The following TNXB variants were observed in gnomAD, a reference collection of about 807,000 sequenced individuals.
The protein encoded by TNXB is tenascin XB.
Under a neutral mutation model 340.5 loss-of-function variants are expected in TNXB, and 183 were observed. The ratio of observed to expected loss-of-function variants is 0.54; its 90% CI spans 0.48 to 0.61. The LOEUF (loss-of-function observed/expected upper bound fraction) is 0.61. TNXB is among the 20% of genes least tolerant of loss of function. The pLI is 0.00. For synonymous variants in TNXB, 2,121 were observed against 2,314.5 expected, an observed-to-expected ratio of 0.92 and a Z score of 2.40; for missense variants, 4,613 against 5,446.4, an observed-to-expected ratio of 0.85 and a Z score of 4.82.
rs528175134 is a variant in TNXB, at chr6:32,042,401, C to G, written c.12211-39G>C. On this transcript the variant is annotated intron_variant, in intron 40 of 43. Coordinates refer to ENST00000644971, the MANE Select transcript of TNXB (RefSeq NM_001365276.2). ...GGGGGCACCATCAGCCTCTGGCTCC[C>G]GGGGCAACAGACCCTGCCCTGCACA... 118 of 1,595,802 alleles carry G rather than the reference C, an allele frequency of 7.4e-5. 3 individuals are homozygous for G. Among genetic ancestry groups the G allele is most frequent in the Admixed American group, 2.5e-4 (15 of 59,568 alleles).
rs1777979237 is a variant in TNXB, at chr6:32,061,111, A to T, written c.7492+286T>A. On this transcript the variant is annotated intron_variant, in intron 21 of 43. Coordinates refer to ENST00000644971, the MANE Select transcript of TNXB (RefSeq NM_001365276.2). This position sits in a 1 kb window ranked among gnomAD's most constrained non-coding sequence, Gnocchi z 4.4. Reference sequence around the variant, plus strand: ...GCATTTGTGTATGTGGTTATAACAAAGAATGCTGTTATTAAGATGGAAAGA... The same window carrying T: ...GCATTTGTGTATGTGGTTATAACAATGAATGCTGTTATTAAGATGGAAAGA... 6.6e-6 allele frequency among the ~76,000 whole-genome samples: 1 copy of T among 151,970 alleles called. No homozygotes were observed. Among genetic ancestry groups the T allele is most frequent in the South Asian group, 2.1e-4 (1 of 4,836 alleles).
chr6:32,056,077 G>A lies in TNXB; in HGVS notation c.8241C>T (p.Ser2747=), dbSNP rs1440470067. Residue 2747 remains serine, a synonymous_variant, in exon 24 of 44, where the codon TCC becomes TCT. Transcript: ENST00000644971. ...AGGAGAGGCTCAGCGAGTCAGGGGA[G>A]GATCCTGTCACTGTCAGCTCCCCCA... ...PLLGELTVTG[S]SPDSLSLSWT... is the part of the protein sequence containing the mutation. 1 of 1,612,710 alleles carries A rather than the reference G, an allele frequency of 6.2e-7. No homozygotes were observed. The highest frequency in any genetic ancestry group is 1.3e-5 in the African/African-American group (1 of 74,916).
At chr6:32,106,131 TGG>T (rs527886178) in intron 1 of TNXB, among the ~76,000 whole-genome samples, 1 of 22,258 alleles carries the variant, frequency 4.5e-5, no homozygotes, top group East Asian at 1.4e-3. Flanking sequence ...AGTAGGGGCA[TGG>T]GGGGGGGGGC....
chr6:32,082,405 G>A lies in TNXB; in HGVS notation c.3446-79C>T. ...AAGCCAAATCCCACATAGGAATGCT[G>A]TGTGAGGCTGTGCAGGTTGTTCACT... On this transcript the variant is annotated intron_variant, in intron 8 of 43. Transcript: ENST00000644971. The surrounding 1 kb of genome is among the most constrained non-coding windows in gnomAD (Gnocchi z 5.0). 2 of 1,384,294 alleles carry A rather than the reference G, an allele frequency of 1.4e-6. No homozygotes were observed. Among genetic ancestry groups the A allele is most frequent in the Non-Finnish European group, 2.0e-6 (2 of 1,018,076 alleles). The allele number at this position is 1,384,294 out of a possible 1,614,324, so 85.8% of individuals were successfully genotyped here. A position where few individuals can be genotyped will look rare whatever the true frequency, so the allele number is the denominator to read the frequency against.
Position 32,087,288 on chromosome 6 carries a change from C to A in TNXB, c.2780-1170G>T. 2 of 502,686 alleles carry A rather than the reference C, an allele frequency of 4.0e-6. No individual in the cohort carries two copies. The highest frequency in any genetic ancestry group is 4.0e-6 in the Non-Finnish European group (1 of 252,602). 31.1% of individuals were successfully genotyped at this position (502,686 alleles called of 1,614,324 possible). A position where few individuals can be genotyped will look rare whatever the true frequency, so the allele number is the denominator to read the frequency against. On this transcript the variant is annotated intron_variant, in intron 6 of 43. Coordinates refer to ENST00000644971, the MANE Select transcript of TNXB (RefSeq NM_001365276.2). The surrounding 1 kb of genome is among the most constrained non-coding windows in gnomAD (Gnocchi z 9.0). The stretch of plus-strand genomic sequence containing the variant: ...TGAAGGCGTAGGACTTGGAGGTCTG[C>A]CCCGCCCGCACCCCGTGGACCTCCA...
At chr6:32,056,275 G>T in intron 23 of TNXB, 101 bp from the exon 24 acceptor site, 1 of 1,391,796 alleles carries the variant, frequency 7.2e-7, no homozygotes, top group Non-Finnish European at 9.7e-7. Flanking sequence ...GGGTATGTGA[G>T]GTCATTTCAG....
Position 32,056,604 on chromosome 6 carries a change from A to T in TNXB, c.8125T>A (p.Ser2709Thr), listed in dbSNP as rs1336503606. Residue 2709 changes from serine to threonine, a missense_variant, in exon 23 of 44, where the codon TCT (serine) becomes ACT (threonine). Transcript: ENST00000644971. ...CACTCACCCGTCACCCCAATGACAG[A>T]GATGGGGCCCACGCGCTGGCCACCG... ...FHGGQRVGPI[S>T]VIGVTAAEEE... 5.6e-6 allele frequency: 9 copies of T among 1,612,940 alleles called. No individual in the cohort carries two copies. The highest frequency in any genetic ancestry group is 1.3e-5 in the African/African-American group (1 of 74,942).
At position 32,096,580 on chromosome 6, in the gene TNXB, A is replaced by G. The variant is rs765203258; in HGVS notation, c.1273T>C (p.Tyr425His). The change falls in exon 3 of 44, where the codon TAC (tyrosine) becomes CAC (histidine). Residue 425 changes from tyrosine to histidine, a missense_variant. This residue lies in a region of TNXB where 4,327 missense variants were observed against 4,859.4 expected (regional missense o/e 0.89). Transcript: ENST00000644971. Reference protein sequence around the residue: ...EDGRCVCWPGYTGTDCGSRAC... With the variant: ...EDGRCVCWPGHTGTDCGSRAC... ...CGCGAGCCGCAATCGGTTCCAGTGT[A>G]CCCCGGCCAGCACACGCAGCGGCCG... The G allele has an allele frequency of 3.0e-5, 48 of 1,593,348 alleles. No individual in the cohort carries two copies. The South Asian group carries it at 5.1e-4, about 17-fold the overall frequency.
chr6:32,049,452 C>T lies in TNXB; in HGVS notation c.9575G>A (p.Arg3192His), dbSNP rs761239593. The change falls in exon 28 of 44, where the codon CGC becomes CAC. Residue 3192 changes from arginine to histidine, a missense_variant. Physicochemically the swap from Arg to His is conservative, Grantham distance 29. Around this residue, in one of 7 missense-constraint regions of TNXB, gnomAD observed 4,327 missense variants for 4,859.4 expected, o/e 0.89. Transcript: ENST00000644971. This position sits in a 1 kb window ranked among gnomAD's most constrained non-coding sequence, Gnocchi z 4.5. ...GTACTGCACGGTGAAGGAGTCGAAG[C>T]GGCCCTGGGGGACGGTCCAGGAGAG... ...LSLSWTVPQG[R>H]FDSFTVQYKD... is the part of the protein sequence containing the mutation. 26 of 1,612,542 alleles carry T rather than the reference C, an allele frequency of 1.6e-5. 1 individual carries two copies. Among genetic ancestry groups the T allele is most frequent in the South Asian group, 1.3e-4 (12 of 91,048 alleles).
intron 6 of TNXB, among the ~76,000 whole-genome samples, chr6:32,088,250 G>C (rs1239935139): frequency 1.3e-5 from 2 of 152,206 alleles, no homozygotes; most frequent in Non-Finnish European, 2.9e-5. Flanking sequence ...AGGAGAGAAA[G>C]GGGAGTCGGG....
In TNXB at chr6:32,062,159, G is replaced by T; in HGVS notation, c.7166C>A (p.Thr2389Lys). The change falls in exon 20 of 44, where the codon ACA becomes AAA. Residue 2389 changes from threonine (T) to lysine (K), a missense_variant and splice_region_variant. Thr to Lys is a moderately conservative substitution (Grantham distance 78, BLOSUM62 -1). Coordinates refer to ENST00000644971, the MANE Select transcript of TNXB (RefSeq NM_001365276.2). This position sits in a 1 kb window ranked among gnomAD's most constrained non-coding sequence, Gnocchi z 4.3. ...TGGGGCTCCCATCGTCCACTCACCT[G>T]TCACCCCGATGGCAGACACGGGGCC... is the stretch of plus-strand genomic sequence containing the variant. ...RVGPVSAIGV[T>K]AAEEETPSPT... 6.2e-7 allele frequency: 1 copy of T among 1,610,168 alleles called. No homozygotes were observed. Among genetic ancestry groups the T allele is most frequent in the Non-Finnish European group, 8.5e-7 (1 of 1,177,584 alleles).
intron 13 of TNXB, among the ~76,000 whole-genome samples, chr6:32,071,589 T>A (rs1179411352): frequency 1.3e-5 from 2 of 150,746 alleles, no homozygotes; most frequent in Non-Finnish European, 3.0e-5. Context: ...TTTTTTTTTT[T>A]TTTTGGTCTT....
rs762546631 is a variant in TNXB at position 32,049,339 on chromosome 6, A to T, written c.9688T>A (p.Tyr3230Asn). ...TGGAGGCCGTACAGATGCATCTTGTATTTGCGCCCGGGCTCCAGGCCCCCC... is the reference window on the plus strand; with the variant it reads ...TGGAGGCCGTACAGATGCATCTTGTTTTTGCGCCCGGGCTCCAGGCCCCCC... ...TVGGLEPGRK[Y>N]KMHLYGLHEG... Residue 3230 changes from tyrosine to asparagine, a missense_variant, in exon 28 of 44, where the codon TAC becomes AAC. This residue lies in a region of TNXB where 4,327 missense variants were observed against 4,859.4 expected (regional missense o/e 0.89). Transcript: ENST00000644971. The surrounding 1 kb of genome is among the most constrained non-coding windows in gnomAD (Gnocchi z 4.5). 25 of 1,612,424 alleles carry T rather than the reference A, an allele frequency of 1.6e-5. No individual in the cohort carries two copies. The highest frequency in any genetic ancestry group is 2.0e-5 in the Non-Finnish European group (24 of 1,179,848).
Position 32,058,071 on chromosome 6 carries a change from G to A in TNXB, c.7812C>T (p.Ala2604=), listed in dbSNP as rs375141980. ...HEGRRLGPVS[A]VGVTEDEAET... ...ACACTCACTCACCTGTGACGCCCAC[G>A]GCAGACACCGGGCCCAGGCGCCGCC... Residue 2604 remains alanine, a synonymous_variant, in exon 22 of 44, where the codon GCC becomes GCT. Coordinates refer to ENST00000644971, the MANE Select transcript of TNXB (RefSeq NM_001365276.2). The surrounding 1 kb of genome is among the most constrained non-coding windows in gnomAD (Gnocchi z 5.1). The A allele has an allele frequency of 4.4e-5, 71 of 1,608,316 alleles. No homozygotes were observed. The highest frequency in any genetic ancestry group is 6.7e-5 in the African/African-American group (5 of 74,782).
chr6:32,064,713 T>G lies in TNXB; in HGVS notation c.6841+108A>C. On this transcript the variant is annotated intron_variant, in intron 19 of 43. Coordinates refer to ENST00000644971, the MANE Select transcript of TNXB (RefSeq NM_001365276.2). The surrounding 1 kb of genome is among the most constrained non-coding windows in gnomAD (Gnocchi z 5.3). ...ACCAGCAGAACCATTCCCAGGAGCT[T>G]GGGAGGCTTGGTCTCAGGGAAAGTA... 7.0e-7 allele frequency: 1 copy of G among 1,430,576 alleles called. No individual in the cohort carries two copies. Among genetic ancestry groups the G allele is most frequent in the African/African-American group, 1.4e-5 (1 of 70,702 alleles). The allele number at this position is 1,430,576 out of a possible 1,614,324, so 88.6% of individuals were successfully genotyped here.
chr6:32,066,907 A>G (rs1778369953), intron 18 of TNXB, among the ~76,000 whole-genome samples: 1 of 151,920 alleles, frequency 6.6e-6, no homozygotes, highest in Non-Finnish European at 1.5e-5. Flanking sequence ...CTGTCTCTAC[A>G]AAAAATACAA....
chr6:32,088,895 G>T lies in TNXB; in HGVS notation c.2669C>A (p.Ala890Glu). Reference sequence around the variant, plus strand: ...CAGGTCAGTCAGCAGCGTCCCGTCTGCTTCAGGGGGCACTTCCAGCCTCAC... The same window carrying T: ...CAGGTCAGTCAGCAGCGTCCCGTCTTCTTCAGGGGGCACTTCCAGCCTCAC... ...QRVRLEVPPE[A>E]DGTLLTDLMP... Residue 890 changes from alanine (A) to glutamate (E), a missense_variant, in exon 6 of 44, where the codon GCA becomes GAA. By Grantham distance (107) the Ala-to-Glu change is moderately radical. Transcript: ENST00000644971. 1 of 1,593,676 alleles carries T rather than the reference G, an allele frequency of 6.3e-7. No homozygotes were observed.
In TNXB at chr6:32,068,911, C is replaced by A; in HGVS notation, c.5813G>T (p.Gly1938Val). 5 of 1,612,836 alleles carry A rather than the reference C, an allele frequency of 3.1e-6. No homozygotes were observed. The highest frequency in any genetic ancestry group is 4.2e-6 in the Non-Finnish European group (5 of 1,179,868). Residue 1938 changes from glycine to valine, a missense_variant, in exon 16 of 44, where the codon GGC (glycine) becomes GTC (valine). Physicochemically the swap from Gly to Val is moderately radical, Grantham distance 109 (BLOSUM62 -3). Coordinates refer to ENST00000644971, the MANE Select transcript of TNXB (RefSeq NM_001365276.2). This position sits in a 1 kb window ranked among gnomAD's most constrained non-coding sequence, Gnocchi z 5.3. ...CAGGTATCTGTGGTCGGATTCCAGGCCAGAGAGGGTGATGTCATTCCGGTC... is the reference window on the plus strand; with the variant it reads ...CAGGTATCTGTGGTCGGATTCCAGGACAGAGAGGGTGATGTCATTCCGGTC... ...GGDRNDITLSGLESDHRYLVT... is the reference protein window; with the variant it reads ...GGDRNDITLSVLESDHRYLVT...
In TNXB at chr6:32,068,140, C is replaced by A. The variant is rs1400038365; in HGVS notation, c.6221-156G>T. ...CTCAGCTGACAGCTAACACACATGA[C>A]AAGTTCCAGGGTCAGCTGTGGGGGA... On this transcript the variant is annotated intron_variant, in intron 17 of 43. Coordinates refer to ENST00000644971, the MANE Select transcript of TNXB (RefSeq NM_001365276.2). This position sits in a 1 kb window ranked among gnomAD's most constrained non-coding sequence, Gnocchi z 5.3. 6.6e-6 allele frequency among the ~76,000 whole-genome samples: 1 copy of A among 152,170 alleles called. No individual in the cohort carries two copies. The highest frequency in any genetic ancestry group is 1.5e-5 in the Non-Finnish European group (1 of 68,020).
Sources: gnomAD v4.1 joint callset for allele counts (sites outside exome capture counted in the v4.1 genomes callset) on GRCh38, gnomAD v4.1.1 for gene constraint, gnomAD v4.1.1 regional missense constraint, Gnocchi (gnomAD v3.1) non-coding constraint, MANE v1.5 for transcripts, NCBI Gene and HGNC (gene_info 2026-07-23, HGNC 2026-07-21) for gene names.